FLT4: variants seen among roughly 807,000 people sequenced by gnomAD.
FLT4 encodes vascular endothelial growth factor receptor 3.
Under a neutral mutation model 163.2 loss-of-function variants are expected in FLT4, and 30 were observed. The observed-to-expected ratio is 0.18, with a 90% CI of 0.14 to 0.25. The LOEUF is 0.25. Ranked by LOEUF, FLT4 falls within the 10% of genes least tolerant of loss-of-function variation. The pLI, the probability that FLT4 is intolerant of heterozygous loss-of-function variation, is 1.00. For synonymous variants in FLT4, 884 were observed against 789.5 expected, an observed-to-expected ratio of 1.12 and a Z score of -2.01; for missense variants, 1,510 against 1,863.8, an observed-to-expected ratio of 0.81 and a Z score of 3.50.
At position 180,602,824 on chromosome 5, in the gene FLT4, A is replaced by T; in HGVS notation, c.*368T>A. ...CACTGTGTGACTCCCAGACCCACAG[A>T]TTCCTCGTGGGAAAACAGGGACCAG... On this transcript the variant is annotated 3_prime_UTR_variant, in exon 30 of 30. Coordinates refer to ENST00000261937, the MANE Select transcript of FLT4 (RefSeq NM_182925.5). The T allele has an allele frequency of 1.8e-6, 1 of 558,384 alleles. No homozygotes were observed. The highest frequency in any genetic ancestry group is 3.2e-6 in the Non-Finnish European group (1 of 315,854). 34.6% of individuals were successfully genotyped at this position (558,384 alleles called of 1,614,324 possible).
chr5:180,618,883 A>G lies in FLT4; in HGVS notation c.2888T>C (p.Met963Thr), dbSNP rs895180169. The G allele has an allele frequency of 5.7e-6, 9 of 1,587,996 alleles. No individual in the cohort carries two copies. The highest frequency in any genetic ancestry group is 7.7e-6 in the Non-Finnish European group (9 of 1,167,940). Reference protein sequence around the residue: ...SPEQRGRFRAMVELARLDRRR... With the variant: ...SPEQRGRFRATVELARLDRRR... ...CCGATCCAGCCTGGCGAGCTCCACCATGGCGCGGAAGCGTCCGCGCTGCTC... is the reference window on the plus strand; with the variant it reads ...CCGATCCAGCCTGGCGAGCTCCACCGTGGCGCGGAAGCGTCCGCGCTGCTC... The change falls in exon 21 of 30, where the codon ATG becomes ACG. Residue 963 changes from methionine (M) to threonine (T), a missense_variant. Transcript: ENST00000261937.
chr5:180,645,944 C>T (rs1350976455), intron 1 of FLT4, among the ~76,000 whole-genome samples: 4 of 152,142 alleles, frequency 2.6e-5, no homozygotes, highest in Non-Finnish European at 2.9e-5. Context: ...CTCAGAGGGA[C>T]GTGGGGCACA....
At position 180,646,428 on chromosome 5, in the gene FLT4, C is replaced by T. The variant is rs112806435; in HGVS notation, c.58+3060G>A. On this transcript the variant is annotated intron_variant, in intron 1 of 29. Coordinates refer to ENST00000261937, the MANE Select transcript of FLT4 (RefSeq NM_182925.5). ...CCACTCCTCCCAGACTCCAGCCTCA[C>T]CGGACCACCCACTTGGCCACATTCA... is the stretch of plus-strand genomic sequence containing the variant. 2.2e-4 allele frequency among the ~76,000 whole-genome samples: 33 copies of T among 152,300 alleles called. 1 individual carries two copies. The highest frequency in any genetic ancestry group is 7.7e-4 in the African/African-American group (32 of 41,552).
At position 180,620,214 on chromosome 5, in the gene FLT4, T is replaced by C; in HGVS notation, c.2501A>G (p.Asp834Gly). 2 of 1,610,830 alleles carry C rather than the reference T, an allele frequency of 1.2e-6. No individual in the cohort carries two copies. The highest frequency in any genetic ancestry group is 2.7e-5 in the African/African-American group (2 of 74,998). The change falls in exon 17 of 30, where the codon GAT (aspartate) becomes GGT (glycine). Residue 834 changes from aspartate to glycine, a missense_variant. This residue lies in a region of FLT4 where 878 missense variants were observed against 1,016.7 expected (regional missense o/e 0.86). Coordinates refer to ENST00000261937, the MANE Select transcript of FLT4 (RefSeq NM_182925.5). The surrounding 1 kb of genome is among the most constrained non-coding windows in gnomAD (Gnocchi z 4.4). ...TCGGGGGAATTCCCACTGGCTGGCA[T>C]CGTAGGACAGGTATTCGCATTGCTC... ...LEEQCEYLSY[D>G]ASQWEFPRER...
intron 27 of FLT4, among the ~76,000 whole-genome samples, chr5:180,610,797 C>T (rs1278256411): frequency 6.6e-6 from 1 of 152,252 alleles, no homozygotes; most frequent in African/African-American, 2.4e-5. Context: ...GTGGCTCACG[C>T]CTGTAATCCC....
Position 180,610,130 on chromosome 5 carries a change from G to A in FLT4, c.3687-105C>T, listed in dbSNP as rs370764266. 2.0e-4 allele frequency: 304 copies of A among 1,543,568 alleles called. 2 individuals carry two copies. In the East Asian group the frequency reaches 4.7e-3, roughly 24 times the overall value. ...CCTCTTCTCCTGGAAAGGACCCCCC[G>A]CCTGGGGCAGGAGTATGGATGGGCC... On this transcript the variant is annotated intron_variant, in intron 27 of 29. Coordinates refer to ENST00000261937, the MANE Select transcript of FLT4 (RefSeq NM_182925.5).
Position 180,626,165 on chromosome 5 carries a change from A to G in FLT4, c.1204T>C (p.Trp402Arg), listed in dbSNP as rs1763591221. 6.2e-7 allele frequency: 1 copy of G among 1,612,706 alleles called. No individual in the cohort carries two copies. The highest frequency in any genetic ancestry group is 8.5e-7 in the Non-Finnish European group (1 of 1,180,010). ...CGCCTCAGGCCAGCAGCGGAGTTCCACAGGGCGAGGGTGTAGGTGCCTGTG... is the reference window on the plus strand; with the variant it reads ...CGCCTCAGGCCAGCAGCGGAGTTCCGCAGGGCGAGGGTGTAGGTGCCTGTG... ...ASTGTYTLAL[W>R]NSAAGLRRNI... Residue 402 changes from tryptophan (W) to arginine (R), a missense_variant, in exon 9 of 30, where the codon TGG becomes CGG. Transcript: ENST00000261937.
intron 23 of FLT4, among the ~76,000 whole-genome samples, chr5:180,614,817 T>TG (rs1257080837): frequency 6.6e-6 from 1 of 152,166 alleles, no homozygotes; most frequent in African/African-American, 2.4e-5. Context: ...GCGGCCATGC[T>TG]GGGCTGGATG....
intron 1 of FLT4, among the ~76,000 whole-genome samples, chr5:180,641,356 T>C (rs1445808425): frequency 2.0e-5 from 3 of 152,200 alleles, no homozygotes; most frequent in African/African-American, 2.4e-5. Flanking sequence ...CCCCTCCACA[T>C]TGGCAGAGAG....
In FLT4 at chr5:180,619,256, G is replaced by A. The variant is rs1197856662; in HGVS notation, c.2758C>T (p.Gln920Ter). 1 of 1,607,908 alleles carries A rather than the reference G, an allele frequency of 6.2e-7. No individual in the cohort carries two copies. The highest frequency in any genetic ancestry group is 2.2e-5 in the East Asian group (1 of 44,712). Residue 920 changes from glutamine to a stop codon, truncating the protein, a stop_gained, in exon 19 of 30, where the codon CAG becomes TAG. Transcript: ENST00000261937. LOFTEE classifies it high-confidence loss of function. ...VNLLGACTKP[Q>*]GPLMVIVEFC... The stretch of plus-strand genomic sequence containing the variant: ...CAGCGGGCCGCCCGCTCCGTACCCT[G>A]CGGCTTGGTGCACGCCCCGAGGAGG...
In FLT4 at chr5:180,623,163, C is replaced by T. The variant is rs2242207; in HGVS notation, c.1549-324G>A. 0.14 allele frequency among the ~76,000 whole-genome samples: 21,354 copies of T among 152,166 alleles called. 1,536 individuals carry two copies. The highest frequency in any genetic ancestry group is 0.18 in the East Asian group (903 of 5,156). Reference sequence around the variant, plus strand: ...CGTGGCTATGTTGAGGGGGCACCAGCGTCAGTGCAAGCCAGGGTGAGAATT... The same window carrying T: ...CGTGGCTATGTTGAGGGGGCACCAGTGTCAGTGCAAGCCAGGGTGAGAATT... On this transcript the variant is annotated intron_variant, in intron 11 of 29. Transcript: ENST00000261937. This position sits in a 1 kb window ranked among gnomAD's most constrained non-coding sequence, Gnocchi z 5.8.
rs762104256 is a variant in FLT4 at position 180,620,836 on chromosome 5, G to T, written c.2299+40C>A. 3.1e-6 allele frequency: 5 copies of T among 1,609,568 alleles called. No individual in the cohort carries two copies. Among genetic ancestry groups the T allele is most frequent in the Non-Finnish European group, 4.2e-6 (5 of 1,178,750 alleles). On this transcript the variant is annotated intron_variant, in intron 15 of 29. Transcript: ENST00000261937. The surrounding 1 kb of genome is among the most constrained non-coding windows in gnomAD (Gnocchi z 4.4). Reference sequence around the variant, plus strand: ...GTGGCCACAAGAAAGCGTTAACTGGGGACGGGAAGGGAGTTGAGGGGTGCA... The same window carrying T: ...GTGGCCACAAGAAAGCGTTAACTGGTGACGGGAAGGGAGTTGAGGGGTGCA...
Position 180,609,046 on chromosome 5 carries a change from T to C in FLT4, c.3815A>G (p.Gln1272Arg), listed in dbSNP as rs576256199. ...GGCCAGCACCATCCCACTGTCTGTC[T>C]GGTTGTCCTGTGTGGAGAGGACAAG... is the stretch of plus-strand genomic sequence containing the variant. Reference protein sequence around the residue: ...PTTYKGSVDNQTDSGMVLASE... With the variant: ...PTTYKGSVDNRTDSGMVLASE... Residue 1272 changes from glutamine to arginine, a missense_variant, in exon 29 of 30, where the codon CAG becomes CGG. Around this residue, in one of 5 missense-constraint regions of FLT4, gnomAD observed 295 missense variants for 311.0 expected, o/e 0.95. Transcript: ENST00000261937. 1.2e-6 allele frequency: 2 copies of C among 1,614,188 alleles called. No homozygotes were observed. Among genetic ancestry groups the C allele is most frequent in the African/African-American group, 2.7e-5 (2 of 75,056 alleles).
chr5:180,638,915 T>C (rs983327854), intron 1 of FLT4, among the ~76,000 whole-genome samples: 1 of 151,576 alleles, frequency 6.6e-6, no homozygotes, highest in African/African-American at 2.4e-5. Flanking sequence ...AAGACAGCTC[T>C]TTCTTACCCC....
chr5:180,612,727 C>G (rs546663449), intron 25 of FLT4, 116 bp from the exon 26 acceptor site: 2 of 765,094 alleles, frequency 2.6e-6, no homozygotes, highest in East Asian at 5.2e-5. Flanking sequence ...GACACGTCTC[C>G]CACTCTTGTC....
intron 21 of FLT4, 99 bp downstream of exon 21, chr5:180,618,671 A>G (rs1762862223): frequency 7.5e-7 from 1 of 1,340,496 alleles, no homozygotes; most frequent in Non-Finnish European, 1.0e-6. Flanking sequence ...ACACTCTCCC[A>G]TGAAAGCCCC....
intron 9 of FLT4, 35 bp downstream of exon 9, chr5:180,626,076 C>G: frequency 6.2e-7 from 1 of 1,612,712 alleles, no homozygotes; most frequent in Non-Finnish European, 8.5e-7. Context: ...CAATGCCAGG[C>G]CGCCCACCCG....
intron 10 of FLT4, among the ~76,000 whole-genome samples, chr5:180,624,951 A>G (rs1344928934): frequency 6.6e-6 from 1 of 152,206 alleles, no homozygotes; most frequent in East Asian, 1.9e-4. Context: ...CACACCCAGA[A>G]GGAAGGACAT....
chr5:180,610,130 G>T, intron 27 of FLT4, 105 bp from the exon 28 acceptor site: 1 of 1,543,572 alleles, frequency 6.5e-7, no homozygotes. Context: ...AGGACCCCCC[G>T]CCTGGGGCAG....
Sources: allele counts gnomAD v4.1 joint callset (sites outside exome capture counted in the v4.1 genomes callset), GRCh38; gene constraint gnomAD v4.1.1; regional missense constraint gnomAD v4.1.1; non-coding constraint Gnocchi (gnomAD v3.1); transcripts MANE v1.5; gene names NCBI Gene and HGNC (gene_info 2026-07-23, HGNC 2026-07-21).